Variants in KSR2 observed in about 807,000 individuals in gnomAD.
KSR2 encodes kinase suppressor of ras 2.
Under a neutral mutation model 107.8 loss-of-function variants are expected in KSR2, and 25 were observed. The observed-to-expected ratio is 0.23, with a 90% CI of 0.17 to 0.32. The LOEUF is 0.32. Among genes scored for constraint, KSR2 ranks in the 10% least tolerant of loss-of-function variants. The pLI is 1.00. For synonymous variants in KSR2, 480 were observed against 507.0 expected, an observed-to-expected ratio of 0.95 and a Z score of 0.71; for missense variants, 887 against 1,268.9, an observed-to-expected ratio of 0.70 and a Z score of 4.57.
At chr12:117,583,409 ATGGATGGATG>A in intron 5 of KSR2, among the ~76,000 whole-genome samples, 1 of 2,992 alleles carries the variant, frequency 3.3e-4, no homozygotes, top group Non-Finnish European at 5.1e-4. Context: ...GAGTGAGTGG[ATGGATGGATG>A]GATGGATGGA....
intron 3 of KSR2, among the ~76,000 whole-genome samples, chr12:117,796,649 A>G (rs546938324): frequency 6.6e-6 from 1 of 152,284 alleles, no homozygotes; most frequent in African/African-American, 2.4e-5. Flanking sequence ...CAGTTTCCTC[A>G]GCTGTGAAAT....
chr12:117,861,829 A>T (rs910422098), intron 1 of KSR2, among the ~76,000 whole-genome samples: 1 of 152,212 alleles, frequency 6.6e-6, no homozygotes, highest in Admixed American at 6.5e-5. Context: ...AAAATGAGAT[A>T]GACCTGAACC....
rs534381601 is a variant in KSR2 at position 117,897,129 on chromosome 12, C to T, written c.181-36698G>A. 6.6e-5 allele frequency among the ~76,000 whole-genome samples: 10 copies of T among 152,152 alleles called. No individual in the cohort carries two copies. Among genetic ancestry groups the T allele is most frequent in the African/African-American group, 2.4e-4 (10 of 41,434 alleles). On this transcript the variant is annotated intron_variant, in intron 1 of 19. Transcript: ENST00000339824. This position sits in a 1 kb window ranked among gnomAD's most constrained non-coding sequence, Gnocchi z 4.5. ...ACTGATGTTCAGCTTGAGGGAGTAG[C>T]GGAGCAGCCACGTGTTCGTCATCAG...
intron 1 of KSR2, among the ~76,000 whole-genome samples, chr12:117,893,154 A>C (rs1593346319): frequency 6.6e-6 from 1 of 151,756 alleles, no homozygotes; most frequent in Non-Finnish European, 1.5e-5. Flanking sequence ...AGTAGCTGGG[A>C]CTACAGGTGC....
intron 1 of KSR2, among the ~76,000 whole-genome samples, chr12:117,939,826 A>G (rs1320669562): frequency 1.3e-5 from 2 of 151,794 alleles, no homozygotes; most frequent in Non-Finnish European, 2.9e-5. Flanking sequence ...CTATAACCCA[A>G]GCTACTCAGG....
chr12:117,554,131 G>A (rs1877500003), intron 9 of KSR2, among the ~76,000 whole-genome samples: 1 of 152,152 alleles, frequency 6.6e-6, no homozygotes, highest in Admixed American at 6.5e-5. Flanking sequence ...AAAATCACCT[G>A]CTGGTGTGTG....
Position 117,947,257 on chromosome 12 carries a change from G to GAAAGAAAGAAAGAAAGAAAGAAAGAAAGA in KSR2, c.180+20818_180+20819insTCTTTCTTTCTTTCTTTCTTTCTTTCTTT, listed in dbSNP as rs1555260494. On this transcript the variant is annotated intron_variant, in intron 1 of 19. Transcript: ENST00000339824. ...AGAAAGAAAGAAAGAAAGAAAGAAA[G>GAAAGAAAGAAAGAAAGAAAGAAAGAAAGA]AAGATAAACCACATGACCATACTAA... 4.7e-4 allele frequency among the ~76,000 whole-genome samples: 56 copies of GAAAGAAAGAAAGAAAGAAAGAAAGAAAGA among 118,928 alleles called. 1 individual carries two copies. The highest frequency in any genetic ancestry group is 8.5e-4 in the Admixed American group (10 of 11,752). 78.0% of individuals were successfully genotyped at this position (118,928 alleles called of 152,430 possible). A position where few individuals can be genotyped will look rare whatever the true frequency, so the allele number is the denominator to read the frequency against.
intron 14 of KSR2, among the ~76,000 whole-genome samples, chr12:117,487,528 G>A (rs1480337597): frequency 6.6e-6 from 1 of 152,158 alleles, no homozygotes; most frequent in Non-Finnish European, 1.5e-5. Context: ...GTGGAGGAAG[G>A]GTGGGCAGAG....
chr12:117,729,848 A>T (rs748896008), intron 4 of KSR2, among the ~76,000 whole-genome samples: 7 of 152,200 alleles, frequency 4.6e-5, no homozygotes, highest in Non-Finnish European at 1.0e-4. Context: ...AACAACAGGG[A>T]CCTAAAACCT....
At chr12:117,927,709 A>T (rs75588465) in intron 1 of KSR2, among the ~76,000 whole-genome samples, 11,463 of 152,156 alleles carry the variant, frequency 0.075, 558 homozygotes, top group South Asian at 0.12. Context: ...AGGAAAAAAA[A>T]AGGAACCAGG....
intron 3 of KSR2, among the ~76,000 whole-genome samples, chr12:117,783,629 G>A (rs4767614): frequency 0.53 from 81,144 of 152,090 alleles, 22,424 homozygotes; most frequent in East Asian, 0.77. Context: ...ACAGCAGGTG[G>A]GTAGGGCAGG....
intron 5 of KSR2, among the ~76,000 whole-genome samples, chr12:117,666,111 C>T (rs938723815): frequency 1.3e-5 from 2 of 152,162 alleles, no homozygotes; most frequent in African/African-American, 2.4e-5. Flanking sequence ...CCTGCCTAAC[C>T]TGGGCACCAA....
intron 1 of KSR2, among the ~76,000 whole-genome samples, chr12:117,862,063 T>C (rs1642489822): frequency 1.0e-5 from 1 of 97,502 alleles, no homozygotes; most frequent in South Asian, 3.1e-4. Context: ...TATTATCATC[T>C]TTTTTTTTTT....
rs547061837 is a variant in KSR2, at chr12:117,467,205, C to T, written c.2847G>A (p.Glu949=). ...SHPGHFWKSA[E]L ...CCGTCCCGATGTCCAAAGGTCACAG[C>T]CTGGAGTGGGGAGAGAAGGGAGAGA... Residue 949 remains glutamate (E), a splice_region_variant and synonymous_variant, in exon 20 of 20, where the codon GAG becomes GAA. Coordinates refer to ENST00000339824, the MANE Select transcript of KSR2 (RefSeq NM_173598.6). 2 of 731,874 alleles carry T rather than the reference C, an allele frequency of 2.7e-6. No homozygotes were observed. The highest frequency in any genetic ancestry group is 5.0e-6 in the Non-Finnish European group (2 of 397,018). The allele number at this position is 731,874 out of a possible 1,614,324, so 45.3% of individuals were successfully genotyped here.
At chr12:117,849,163 T>C (rs1451207468) in intron 3 of KSR2, among the ~76,000 whole-genome samples, 5 of 152,184 alleles carry the variant, frequency 3.3e-5, no homozygotes, top group Non-Finnish European at 7.3e-5. Context: ...TTATTTAATA[T>C]GATGACCAGT....
intron 4 of KSR2, among the ~76,000 whole-genome samples, chr12:117,691,265 C>A (rs1435860598): frequency 6.6e-6 from 1 of 152,166 alleles, no homozygotes; most frequent in East Asian, 1.9e-4. Flanking sequence ...AACTGGTAGA[C>A]TCAGGGAGCA....
At chr12:117,756,225 A>G in intron 4 of KSR2, among the ~76,000 whole-genome samples, 1 of 152,246 alleles carries the variant, frequency 6.6e-6, no homozygotes, top group South Asian at 2.1e-4. Context: ...ACAGTCTTAT[A>G]TTCAACGATG....
intron 1 of KSR2, among the ~76,000 whole-genome samples, chr12:117,947,249 G>GAAAA: frequency 8.1e-6 from 1 of 124,182 alleles, no homozygotes; most frequent in South Asian, 2.7e-4. Context: ...AAGAAAGAAA[G>GAAAA]AAAGAAAGAA....
intron 14 of KSR2, among the ~76,000 whole-genome samples, chr12:117,507,248 C>T (rs1233018453): frequency 6.6e-6 from 1 of 152,156 alleles, no homozygotes; most frequent in Non-Finnish European, 1.5e-5. Context: ...TTGCCCAAGG[C>T]CATTCAGCAC....
Sources: gnomAD v4.1 joint callset for allele counts (sites outside exome capture counted in the v4.1 genomes callset) on GRCh38, gnomAD v4.1.1 for gene constraint, Gnocchi (gnomAD v3.1) non-coding constraint, MANE v1.5 for transcripts, NCBI Gene and HGNC (gene_info 2026-07-23, HGNC 2026-07-21) for gene names.